NPRL2: variants seen among roughly 807,000 people sequenced by gnomAD.
NPRL2 encodes the protein NPR2 like, GATOR1 complex subunit.
NPRL2 carries 21 observed loss-of-function variants against 51.1 expected under a neutral mutation model. The ratio of observed to expected loss-of-function variants is 0.41; its 90% CI spans 0.29 to 0.59. The LOEUF (loss-of-function observed/expected upper bound fraction) is 0.59. Among genes scored for constraint, NPRL2 ranks in the 20% least tolerant of loss-of-function variants. NPRL2 has a pLI of 0.29. For missense variants in NPRL2, 376 were observed against 483.4 expected (o/e 0.78, Z 2.08); for synonymous variants, 175 against 187.8 (o/e 0.93, Z 0.56).
rs938208371 is a variant in NPRL2, at chr3:50,349,529, C to G, written c.340-35G>C. On this transcript the variant is annotated intron_variant, in intron 3 of 10. Transcript: ENST00000232501. This position sits in a 1 kb window ranked among gnomAD's most constrained non-coding sequence, Gnocchi z 4.6. ...GCATGGAAAGCATGGTGGGCACATC[C>G]CAGGACCCCTGGCTGGTTGGCTGCC... The G allele has an allele frequency of 1.9e-6, 3 of 1,612,648 alleles. No homozygotes were observed. Among genetic ancestry groups the G allele is most frequent in the Non-Finnish European group, 2.5e-6 (3 of 1,179,048 alleles).
Position 50,348,915 on chromosome 3 carries a change from C to T in NPRL2, c.544G>A (p.Glu182Lys). 1 of 1,614,108 alleles carries T rather than the reference C, an allele frequency of 6.2e-7. No homozygotes were observed. The highest frequency in any genetic ancestry group is 8.5e-7 in the Non-Finnish European group (1 of 1,180,026). Reference protein sequence around the residue: ...YDVPVFTKDKEDFFNSQWDLT... With the variant: ...YDVPVFTKDKKDFFNSQWDLT... ...TCCCACTGTGAGTTGAAGAAATCCT[C>T]CTTGTCTTTGGTAAAGACAGGTACA... Residue 182 changes from glutamate (E) to lysine (K), a missense_variant, in exon 5 of 11, where the codon GAG becomes AAG. Transcript: ENST00000232501. This position sits in a 1 kb window ranked among gnomAD's most constrained non-coding sequence, Gnocchi z 5.8.
rs753199358 is a variant in NPRL2, at chr3:50,349,911, A to G, written c.170+20T>C. 1 of 1,613,482 alleles carries G rather than the reference A, an allele frequency of 6.2e-7. No homozygotes were observed. Among genetic ancestry groups the G allele is most frequent in the Non-Finnish European group, 8.5e-7 (1 of 1,179,844 alleles). On this transcript the variant is annotated intron_variant, in intron 2 of 10. Transcript: ENST00000232501. This position sits in a 1 kb window ranked among gnomAD's most constrained non-coding sequence, Gnocchi z 4.6. Reference sequence around the variant, plus strand: ...GGACAACCCCTGCCACCCACCGCTCACCCCGAGCTAGGGTCTCACACAGTG... The same window carrying G: ...GGACAACCCCTGCCACCCACCGCTCGCCCCGAGCTAGGGTCTCACACAGTG...
In NPRL2 at chr3:50,349,685, C is replaced by G; in HGVS notation, c.319G>C (p.Gly107Arg). 6.2e-7 allele frequency: 1 copy of G among 1,612,934 alleles called. No homozygotes were observed. The highest frequency in any genetic ancestry group is 8.5e-7 in the Non-Finnish European group (1 of 1,179,300). The change falls in exon 3 of 11, where the codon GGC (glycine) becomes CGC (arginine). Residue 107 changes from glycine (G) to arginine (R), a missense_variant. Gly to Arg is a moderately radical substitution (Grantham distance 125). Transcript: ENST00000232501. This position sits in a 1 kb window ranked among gnomAD's most constrained non-coding sequence, Gnocchi z 4.6. ...ALEPIVKKLA[G>R]YLTTLELESS... The stretch of plus-strand genomic sequence containing the variant: ...CAGACCTCTAGTGTGGTCAGATAGC[C>G]AGCCAGCTTTTTAACAATGGGCTCG...
chr3:50,350,463 C>A lies in NPRL2; in HGVS notation c.78+112G>T, dbSNP rs1186129117. ...TATCCTCTAGCCTCACAGTTGTCTG[C>A]GAATGAAGCAGCATGCCTGCGTGCA... On this transcript the variant is annotated intron_variant, in intron 1 of 10. Coordinates refer to ENST00000232501, the MANE Select transcript of NPRL2 (RefSeq NM_006545.5). The surrounding 1 kb of genome is among the most constrained non-coding windows in gnomAD (Gnocchi z 5.7). 7 of 1,137,586 alleles carry A rather than the reference C, an allele frequency of 6.2e-6. No individual in the cohort carries two copies. Among genetic ancestry groups the A allele is most frequent in the Non-Finnish European group, 8.8e-6 (7 of 798,066 alleles). The allele number at this position is 1,137,586 out of a possible 1,614,324, so 70.5% of individuals were successfully genotyped here. A position where few individuals can be genotyped will look rare whatever the true frequency, so the allele number is the denominator to read the frequency against.
Position 50,349,559 on chromosome 3 carries a change from G to C in NPRL2, c.340-65C>G. 6.2e-7 allele frequency: 1 copy of C among 1,611,326 alleles called. No individual in the cohort carries two copies. The highest frequency in any genetic ancestry group is 8.5e-7 in the Non-Finnish European group (1 of 1,177,828). ...ACCCCTGGCTGGTTGGCTGCCCTGA[G>C]TCCTGAGCTGGTTTGCAGGGTCCCA... On this transcript the variant is annotated intron_variant, in intron 3 of 10. Coordinates refer to ENST00000232501, the MANE Select transcript of NPRL2 (RefSeq NM_006545.5). The surrounding 1 kb of genome is among the most constrained non-coding windows in gnomAD (Gnocchi z 4.6).
In NPRL2 at chr3:50,348,263, T is replaced by C. The variant is rs1285050812; in HGVS notation, c.815-22A>G. 1 of 1,613,572 alleles carries C rather than the reference T, an allele frequency of 6.2e-7. No homozygotes were observed. The highest frequency in any genetic ancestry group is 1.3e-5 in the African/African-American group (1 of 74,904). ...TGCCCTGTGGGTGCCAGGGATCAGC[T>C]CATCATGTGGCCCTGCCCTCCCCAA... On this transcript the variant is annotated intron_variant, in intron 8 of 10. Transcript: ENST00000232501. The surrounding 1 kb of genome is among the most constrained non-coding windows in gnomAD (Gnocchi z 5.8).
In NPRL2 at chr3:50,350,058, C is replaced by CATCT. The variant is rs769107678; in HGVS notation, c.79-40_79-37dup. ...GAGTGGCAATGGGCCCCTCAGTGGA[C>CATCT]ATCTGTACTGGGTGTAGTACAAATG... On this transcript the variant is annotated intron_variant, in intron 1 of 10. Coordinates refer to ENST00000232501, the MANE Select transcript of NPRL2 (RefSeq NM_006545.5). The surrounding 1 kb of genome is among the most constrained non-coding windows in gnomAD (Gnocchi z 5.7). 5 of 1,553,352 alleles carry CATCT rather than the reference C, an allele frequency of 3.2e-6. No homozygotes were observed. In the African/African-American group the frequency reaches 6.8e-5, roughly 21 times the overall value.
rs1019443306 is a variant in NPRL2 at position 50,348,938 on chromosome 3, A to G, written c.521T>C (p.Val174Ala). Residue 174 changes from valine to alanine, a missense_variant, in exon 5 of 11, where the codon GTA becomes GCA. Transcript: ENST00000232501. The surrounding 1 kb of genome is among the most constrained non-coding windows in gnomAD (Gnocchi z 5.8). ...CTCCTTGTCTTTGGTAAAGACAGGT[A>G]CATCATACTCCTGGGCCACCGGAGG... is the stretch of plus-strand genomic sequence containing the variant. ...PDPPVAQEYDVPVFTKDKEDF... is the reference protein window; with the variant it reads ...PDPPVAQEYDAPVFTKDKEDF... 3.7e-6 allele frequency: 6 copies of G among 1,614,060 alleles called. No individual in the cohort carries two copies. The highest frequency in any genetic ancestry group is 5.1e-6 in the Non-Finnish European group (6 of 1,180,024).
At position 50,349,773 on chromosome 3, in the gene NPRL2, G is replaced by C; in HGVS notation, c.231C>G (p.Ser77Arg). 6.2e-7 allele frequency: 1 copy of C among 1,613,968 alleles called. No individual in the cohort carries two copies. The highest frequency in any genetic ancestry group is 8.5e-7 in the Non-Finnish European group (1 of 1,180,006). The change falls in exon 3 of 11, where the codon AGC (serine) becomes AGG (arginine). Residue 77 changes from serine to arginine, a missense_variant. By Grantham distance (110) the Ser-to-Arg change is moderately radical. Coordinates refer to ENST00000232501, the MANE Select transcript of NPRL2 (RefSeq NM_006545.5). This position sits in a 1 kb window ranked among gnomAD's most constrained non-coding sequence, Gnocchi z 4.6. ...CPVCIEHKKYSRNALLFNLGF... is the reference protein window; with the variant it reads ...CPVCIEHKKYRRNALLFNLGF... ...CCAGGTTGAAGAGGAGAGCATTGCG[G>C]CTGTACTTCTTGTGTTCGATGCACA...
chr3:50,349,634 T>C lies in NPRL2; in HGVS notation c.339+31A>G, dbSNP rs767181174. ...GGAACACCTTCCCCAACTCTGCCTG[T>C]CGGTAAACCCAAGCCCATCTCATTG... On this transcript the variant is annotated intron_variant, in intron 3 of 10. Coordinates refer to ENST00000232501, the MANE Select transcript of NPRL2 (RefSeq NM_006545.5). The surrounding 1 kb of genome is among the most constrained non-coding windows in gnomAD (Gnocchi z 4.6). 1 of 1,602,966 alleles carries C rather than the reference T, an allele frequency of 6.2e-7. No individual in the cohort carries two copies. The highest frequency in any genetic ancestry group is 1.3e-5 in the African/African-American group (1 of 74,766).
Position 50,348,677 on chromosome 3 carries a change from C to A in NPRL2, c.683+8G>T. 1 of 1,614,020 alleles carries A rather than the reference C, an allele frequency of 6.2e-7. No individual in the cohort carries two copies. Among genetic ancestry groups the A allele is most frequent in the Non-Finnish European group, 8.5e-7 (1 of 1,180,012 alleles). On this transcript the variant is annotated splice_region_variant and intron_variant, in intron 6 of 10. Coordinates refer to ENST00000232501, the MANE Select transcript of NPRL2 (RefSeq NM_006545.5). The surrounding 1 kb of genome is among the most constrained non-coding windows in gnomAD (Gnocchi z 5.8). ...CCTTGTCCCAGGTATGACTGTAGGC[C>A]CACTCACAGCAGGTTCTGGATAGCA...
Position 50,349,625 on chromosome 3 carries a change from C to T in NPRL2, c.339+40G>A. On this transcript the variant is annotated intron_variant, in intron 3 of 10. Coordinates refer to ENST00000232501, the MANE Select transcript of NPRL2 (RefSeq NM_006545.5). This position sits in a 1 kb window ranked among gnomAD's most constrained non-coding sequence, Gnocchi z 4.6. ...GGAGACATGGGAACACCTTCCCCAA[C>T]TCTGCCTGTCGGTAAACCCAAGCCC... The T allele has an allele frequency of 6.2e-7, 1 of 1,602,444 alleles. No homozygotes were observed. The highest frequency in any genetic ancestry group is 8.5e-7 in the Non-Finnish European group (1 of 1,171,524).
chr3:50,349,076 G>A lies in NPRL2; in HGVS notation c.449-66C>T. ...CAAGAGGTCCTCAATTACCATCCAGGCCTCCCAGCATCCCTTGGGGCAAGC... is the reference window on the plus strand; with the variant it reads ...CAAGAGGTCCTCAATTACCATCCAGACCTCCCAGCATCCCTTGGGGCAAGC... On this transcript the variant is annotated intron_variant, in intron 4 of 10. Coordinates refer to ENST00000232501, the MANE Select transcript of NPRL2 (RefSeq NM_006545.5). The surrounding 1 kb of genome is among the most constrained non-coding windows in gnomAD (Gnocchi z 4.6). 6.4e-7 allele frequency: 1 copy of A among 1,569,246 alleles called. No homozygotes were observed.
chr3:50,350,340 C>A lies in NPRL2; in HGVS notation c.78+235G>T. ...AACTCACCTTCTGTGGGACCTGGAA[C>A]CCCCCAACCGGATCCCTACAGCCCG... is the stretch of plus-strand genomic sequence containing the variant. On this transcript the variant is annotated intron_variant, in intron 1 of 10. Transcript: ENST00000232501. This position sits in a 1 kb window ranked among gnomAD's most constrained non-coding sequence, Gnocchi z 5.7. 1.6e-6 allele frequency: 1 copy of A among 607,612 alleles called. No homozygotes were observed. Among genetic ancestry groups the A allele is most frequent in the Admixed American group, 3.0e-5 (1 of 33,232 alleles). The allele number at this position is 607,612 out of a possible 1,614,324, so 37.6% of individuals were successfully genotyped here.
Position 50,348,427 on chromosome 3 carries a change from G to T in NPRL2, c.721-17C>A. On this transcript the variant is annotated splice_polypyrimidine_tract_variant and intron_variant, in intron 7 of 10. Transcript: ENST00000232501. The surrounding 1 kb of genome is among the most constrained non-coding windows in gnomAD (Gnocchi z 5.8). ...ATTGGAGTACTAGAGGGTAGCAGAA[G>T]GCATAGGGGCCTGAGTGAGGGGCTT... 6.2e-7 allele frequency: 1 copy of T among 1,613,514 alleles called. No individual in the cohort carries two copies. Among genetic ancestry groups the T allele is most frequent in the Non-Finnish European group, 8.5e-7 (1 of 1,179,616 alleles).
rs1042333884 is a variant in NPRL2, at chr3:50,349,101, C to G, written c.449-91G>C. On this transcript the variant is annotated intron_variant, in intron 4 of 10. Coordinates refer to ENST00000232501, the MANE Select transcript of NPRL2 (RefSeq NM_006545.5). This position sits in a 1 kb window ranked among gnomAD's most constrained non-coding sequence, Gnocchi z 4.6. ...GCCTCCCAGCATCCCTTGGGGCAAG[C>G]AGGTGCCTCTGGGTAGGGCTAATCT... is the stretch of plus-strand genomic sequence containing the variant. The G allele has an allele frequency of 6.1e-6, 9 of 1,469,734 alleles. No individual in the cohort carries two copies. Among genetic ancestry groups the G allele is most frequent in the Non-Finnish European group, 3.7e-6 (4 of 1,081,946 alleles). The allele number at this position is 1,469,734 out of a possible 1,614,324, so 91.0% of individuals were successfully genotyped here.
rs1386247298 is a variant in NPRL2 at position 50,350,347 on chromosome 3, A to G, written c.78+228T>C. On this transcript the variant is annotated intron_variant, in intron 1 of 10. Transcript: ENST00000232501. This position sits in a 1 kb window ranked among gnomAD's most constrained non-coding sequence, Gnocchi z 5.7. ...CTTCTGTGGGACCTGGAACCCCCCAACCGGATCCCTACAGCCCGATATCCT... is the reference window on the plus strand; with the variant it reads ...CTTCTGTGGGACCTGGAACCCCCCAGCCGGATCCCTACAGCCCGATATCCT... The G allele has an allele frequency of 8.2e-6, 5 of 612,586 alleles. No homozygotes were observed. The highest frequency in any genetic ancestry group is 4.0e-5 in the South Asian group (2 of 50,404). 37.9% of individuals were successfully genotyped at this position (612,586 alleles called of 1,614,324 possible). A position where few individuals can be genotyped will look rare whatever the true frequency, so the allele number is the denominator to read the frequency against.
chr3:50,348,941 T>C lies in NPRL2; in HGVS notation c.518A>G (p.Asp173Gly). 5.0e-6 allele frequency: 8 copies of C among 1,614,020 alleles called. No homozygotes were observed. Among genetic ancestry groups the C allele is most frequent in the Non-Finnish European group, 6.8e-6 (8 of 1,180,014 alleles). The change falls in exon 5 of 11, where the codon GAT becomes GGT. Residue 173 changes from aspartate to glycine, a missense_variant. Coordinates refer to ENST00000232501, the MANE Select transcript of NPRL2 (RefSeq NM_006545.5). The surrounding 1 kb of genome is among the most constrained non-coding windows in gnomAD (Gnocchi z 5.8). ...RPDPPVAQEY[D>G]VPVFTKDKED... ...CTTGTCTTTGGTAAAGACAGGTACA[T>C]CATACTCCTGGGCCACCGGAGGGTC...
Position 50,350,475 on chromosome 3 carries a change from C to A in NPRL2, c.78+100G>T. The A allele has an allele frequency of 8.1e-7, 1 of 1,227,746 alleles. No individual in the cohort carries two copies. Among genetic ancestry groups the A allele is most frequent in the South Asian group, 1.4e-5 (1 of 72,840 alleles). The allele number at this position is 1,227,746 out of a possible 1,614,324, so 76.1% of individuals were successfully genotyped here. A position where few individuals can be genotyped will look rare whatever the true frequency, so the allele number is the denominator to read the frequency against. Reference sequence around the variant, plus strand: ...TCACAGTTGTCTGCGAATGAAGCAGCATGCCTGCGTGCAGCACGGGAAACT... The same window carrying A: ...TCACAGTTGTCTGCGAATGAAGCAGAATGCCTGCGTGCAGCACGGGAAACT... On this transcript the variant is annotated intron_variant, in intron 1 of 10. Coordinates refer to ENST00000232501, the MANE Select transcript of NPRL2 (RefSeq NM_006545.5). This position sits in a 1 kb window ranked among gnomAD's most constrained non-coding sequence, Gnocchi z 5.7.
Sources: allele counts gnomAD v4.1 joint callset, GRCh38; gene constraint gnomAD v4.1.1; non-coding constraint Gnocchi (gnomAD v3.1); transcripts MANE v1.5; gene names NCBI Gene and HGNC (gene_info 2026-07-23, HGNC 2026-07-21).